Variants in KIF15 observed in about 807,000 individuals in gnomAD.
The protein encoded by KIF15 is kinesin family member 15, also known as kinesin-like protein KIF15.
KIF15 carries 140 observed loss-of-function variants against 190.6 expected under a neutral mutation model. The ratio of observed to expected loss-of-function variants is 0.73; its 90% CI spans 0.64 to 0.84. KIF15 has a LOEUF of 0.84. KIF15 is among the 40% of genes least tolerant of loss of function. The probability of loss-of-function intolerance (pLI) is 0.00; values close to 1 mark genes in which losing one functional copy is unlikely to be tolerated. For synonymous variants in KIF15, 528 were observed against 551.3 expected (o/e 0.96, Z 0.59); for missense variants, 1,372 against 1,584.4 (o/e 0.87, Z 2.28).
In KIF15 at chr3:44,848,667, G is replaced by A. The variant is rs1187923684; in HGVS notation, c.3806+109G>A. ...AACTTCTTTCCTTCTGCAGTAATAA[G>A]TGAATTTAATAGATGTTTACAGATT... On this transcript the variant is annotated intron_variant, in intron 32 of 34. Transcript: ENST00000326047. The A allele has an allele frequency of 6.4e-5, 31 of 484,890 alleles. No homozygotes were observed. In the East Asian group the frequency reaches 1.2e-3, roughly 19 times the overall value. The allele number at this position is 484,890 out of a possible 1,614,324, so 30.0% of individuals were successfully genotyped here. A position where few individuals can be genotyped will look rare whatever the true frequency, so the allele number is the denominator to read the frequency against.
At position 44,775,312 on chromosome 3, in the gene KIF15, G is replaced by C; in HGVS notation, c.121G>C (p.Gly41Arg). Residue 41 changes from glycine to arginine, a missense_variant, in exon 3 of 35, where the codon GGG (glycine) becomes CGG (arginine). By Grantham distance (125) the Gly-to-Arg change is moderately radical. Transcript: ENST00000326047. The stretch of plus-strand genomic sequence containing the variant: ...AATTCGTCCTCCTGCAGAAAGATCT[G>C]GGTCAGCTGATGGAGAGCAGAACTT... ...VRIRPPAERS[G>R]SADGEQNLCL... The C allele has an allele frequency of 6.2e-7, 1 of 1,613,974 alleles. No individual in the cohort carries two copies. Among genetic ancestry groups the C allele is most frequent in the Non-Finnish European group, 8.5e-7 (1 of 1,179,946 alleles).
At chr3:44,831,605 T>G (rs1045945794) in intron 26 of KIF15, among the ~76,000 whole-genome samples, 3 of 152,204 alleles carry the variant, frequency 2.0e-5, no homozygotes, top group Non-Finnish European at 2.9e-5. Context: ...GTTTTTTTGA[T>G]GTAGATTTAT....
At chr3:44,816,424 T>C (rs980287190) in intron 20 of KIF15, among the ~76,000 whole-genome samples, 7 of 148,354 alleles carry the variant, frequency 4.7e-5, no homozygotes, top group African/African-American at 1.7e-4. Context: ...CCCAGTGTGA[T>C]GTTCCCCGCC....
At chr3:44,823,227 C>G (rs1476409761) in intron 20 of KIF15, among the ~76,000 whole-genome samples, 1 of 152,102 alleles carries the variant, frequency 6.6e-6, no homozygotes, top group Non-Finnish European at 1.5e-5. Flanking sequence ...TGATGCTATT[C>G]CTTTCTGTTT....
At position 44,864,080 on chromosome 3, in the gene KIF15, T is replaced by C; in HGVS notation, c.*60-9249T>C. On this transcript the variant is annotated intron_variant and NMD_transcript_variant, in intron 6 of 6. Transcript: ENST00000422209. ...GAAAGCTCTGAGGCCCTCTGAGCTGTAGTGGGAGCTCAGTAGGAGCCTGGG... is the reference window on the plus strand; with the variant it reads ...GAAAGCTCTGAGGCCCTCTGAGCTGCAGTGGGAGCTCAGTAGGAGCCTGGG... 4 of 1,250,538 alleles carry C rather than the reference T, an allele frequency of 3.2e-6. No homozygotes were observed. The South Asian group carries it at 3.9e-5, about 12-fold the overall frequency. 77.5% of individuals were successfully genotyped at this position (1,250,538 alleles called of 1,614,324 possible). A position where few individuals can be genotyped will look rare whatever the true frequency, so the allele number is the denominator to read the frequency against.
chr3:44,854,622 T>G (rs1196903485), downstream of KIF15, among the ~76,000 whole-genome samples: 1 of 152,234 alleles, frequency 6.6e-6, no homozygotes, highest in Non-Finnish European at 1.5e-5. Context: ...TGATCACCTG[T>G]ATCAGCTGTA....
At chr3:44,863,310 C>CT (rs893417553) in intron 6 of KIF15, 3 of 117,436 alleles carry the variant, frequency 2.6e-5, no homozygotes, top group African/African-American at 5.7e-5. Context: ...ACCCCCCCCC[C>CT]CCGCCGCCTT....
chr3:44,765,167 G>C (rs986116093), intron 1 of KIF15, among the ~76,000 whole-genome samples: 1 of 152,076 alleles, frequency 6.6e-6, no homozygotes, highest in Non-Finnish European at 1.5e-5. Context: ...ACTTTCTCTC[G>C]CTATTTGCTT....
intron 7 of KIF15, among the ~76,000 whole-genome samples, chr3:44,793,976 G>T (rs553901808): frequency 6.6e-6 from 1 of 151,276 alleles, no homozygotes; most frequent in Admixed American, 6.6e-5. Context: ...GAATTCCTGG[G>T]CTCAAGAGAT....
chr3:44,822,812 G>A (rs1184983583), intron 20 of KIF15, among the ~76,000 whole-genome samples: 1 of 152,088 alleles, frequency 6.6e-6, no homozygotes, highest in African/African-American at 2.4e-5. Context: ...TTGAAGCCTT[G>A]TGCAGGTGTC....
In KIF15 at chr3:44,794,310, G is replaced by A. The variant is rs200145930; in HGVS notation, c.733G>A (p.Glu245Lys). 21 of 1,613,954 alleles carry A rather than the reference G, an allele frequency of 1.3e-5. No individual in the cohort carries two copies. Among genetic ancestry groups the A allele is most frequent in the Non-Finnish European group, 1.8e-5 (21 of 1,179,894 alleles). ...TCATGCCGTCTTTACAATTACAATAGAGTCAATGGAGAAAAGTAATGAGAT... is the reference window on the plus strand; with the variant it reads ...TCATGCCGTCTTTACAATTACAATAAAGTCAATGGAGAAAAGTAATGAGAT... ...RSHAVFTITI[E>K]SMEKSNEIVN... The change falls in exon 8 of 35, where the codon GAG (glutamate) becomes AAG (lysine). Residue 245 changes from glutamate to lysine, a missense_variant. Glu to Lys is a moderately conservative substitution (Grantham distance 56). Transcript: ENST00000326047.
At chr3:44,832,009 T>G (rs1698096840) in intron 26 of KIF15, among the ~76,000 whole-genome samples, 1 of 152,162 alleles carries the variant, frequency 6.6e-6, no homozygotes, top group Non-Finnish European at 1.5e-5. Flanking sequence ...GAAAGATGAT[T>G]GAAAAACACT....
At chr3:44,814,497 G>T (rs1306666130) in intron 19 of KIF15, among the ~76,000 whole-genome samples, 1 of 152,138 alleles carries the variant, frequency 6.6e-6, no homozygotes, top group Non-Finnish European at 1.5e-5. Context: ...TTTTGGTAGA[G>T]ACAGGGTTTT....
Position 44,838,426 on chromosome 3 carries a change from G to A in KIF15, c.3318+5G>A. 6.2e-7 allele frequency: 1 copy of A among 1,611,046 alleles called. No homozygotes were observed. Among genetic ancestry groups the A allele is most frequent in the Non-Finnish European group, 8.5e-7 (1 of 1,178,604 alleles). On this transcript the variant is annotated splice_donor_5th_base_variant and intron_variant, in intron 27 of 34. Transcript: ENST00000326047. ...ATTCAGGAACTTCAGCACAAGGTGAGAAACACACAGGTGTCACTCAAGATG... is the reference window on the plus strand; with the variant it reads ...ATTCAGGAACTTCAGCACAAGGTGAAAAACACACAGGTGTCACTCAAGATG...
chr3:44,830,622 C>G (rs1383450369), intron 25 of KIF15, among the ~76,000 whole-genome samples: 1 of 152,226 alleles, frequency 6.6e-6, no homozygotes, highest in East Asian at 1.9e-4. Flanking sequence ...CTCCTCCTCA[C>G]TCCTCTGCTC....
intron 20 of KIF15, among the ~76,000 whole-genome samples, chr3:44,817,792 C>T (rs566443034): frequency 2.0e-5 from 3 of 152,246 alleles, no homozygotes; most frequent in Non-Finnish European, 4.4e-5. Flanking sequence ...TCATTGATAG[C>T]TTGATGGGGA....
chr3:44,848,662 AAT>A, intron 32 of KIF15, 104 bp downstream of exon 32: 1 of 500,160 alleles, frequency 2.0e-6, no homozygotes, highest in Non-Finnish European at 3.5e-6. Flanking sequence ...CTTCTGCAGT[AAT>A]AAGTGAATTT....
chr3:44,801,797 C>A lies in KIF15; in HGVS notation c.1332C>A (p.Asp444Glu), dbSNP rs1188273806. ...SLIEKVTQLE[D>E]LTLKKEKFIQ... ...TAGAAAAAGTTACCCAATTAGAAGA[C>A]CTCACCCTCAAAAAGGAAAAATTTA... The change falls in exon 13 of 35, where the codon GAC becomes GAA. Residue 444 changes from aspartate to glutamate, a missense_variant. Asp to Glu is a conservative substitution (Grantham distance 45). Transcript: ENST00000326047. 1 of 1,597,738 alleles carries A rather than the reference C, an allele frequency of 6.3e-7. No individual in the cohort carries two copies. Among genetic ancestry groups the A allele is most frequent in the Admixed American group, 1.7e-5 (1 of 59,846 alleles).
Position 44,814,965 on chromosome 3 carries a change from A to C in KIF15, c.2438A>C (p.Glu813Ala), listed in dbSNP as rs767554603. The C allele has an allele frequency of 5.6e-6, 9 of 1,612,756 alleles. No individual in the cohort carries two copies. The highest frequency in any genetic ancestry group is 2.2e-5 in the East Asian group (1 of 44,864). ...GTAGTCCTTCATTCTGCTGACAAGG[A>C]GCTTTCTTCAGTGAAATTGGAATAT... ...LRVVLHSADK[E>A]LSSVKLEYSS... Residue 813 changes from glutamate (E) to alanine (A), a missense_variant, in exon 20 of 35, where the codon GAG (glutamate) becomes GCG (alanine). Coordinates refer to ENST00000326047, the MANE Select transcript of KIF15 (RefSeq NM_020242.3).
Sources: gnomAD v4.1 joint callset for allele counts (sites outside exome capture counted in the v4.1 genomes callset) on GRCh38, gnomAD v4.1.1 for gene constraint, MANE v1.5 for transcripts, NCBI Gene and HGNC (gene_info 2026-07-23, HGNC 2026-07-21) for gene names.